Variants in MACROD2 observed in about 807,000 individuals in gnomAD.
The protein encoded by MACROD2 is ADP-ribose glycohydrolase MACROD2.
MACROD2 carries 36 observed loss-of-function variants against 70.4 expected under a neutral mutation model. That is an observed-to-expected ratio of 0.51 (90% CI 0.39 to 0.68). The LOEUF is 0.68. Among genes scored for constraint, MACROD2 ranks in the 30% least tolerant of loss-of-function variants. The pLI, the probability that MACROD2 is intolerant of heterozygous loss-of-function variation, is 0.00. For synonymous variants in MACROD2, 172 were observed against 178.8 expected, an observed-to-expected ratio of 0.96 and a Z score of 0.30; for missense variants, 496 against 538.4, an observed-to-expected ratio of 0.92 and a Z score of 0.78.
At chr20:15,978,372 TGAGAAAC>T (rs2066341513) in intron 13 of MACROD2, among the ~76,000 whole-genome samples, 1 of 152,180 alleles carries the variant, frequency 6.6e-6, no homozygotes, top group South Asian at 2.1e-4. Context: ...GGGGAGGTCA[TGAGAAAC>T]GTGGATAAAC....
At chr20:15,538,059 A>G (rs2047900728) in intron 8 of MACROD2, among the ~76,000 whole-genome samples, 6 of 152,206 alleles carry the variant, frequency 3.9e-5, no homozygotes, top group African/African-American at 1.4e-4. Flanking sequence ...TAGAAAAATA[A>G]CCCTTGTAAG....
At chr20:14,902,829 G>A (rs2073912587) in intron 5 of MACROD2, among the ~76,000 whole-genome samples, 1 of 152,010 alleles carries the variant, frequency 6.6e-6, no homozygotes, top group Non-Finnish European at 1.5e-5. Flanking sequence ...GAGGGAAACA[G>A]ATCACAATAC....
chr20:14,912,337 G>A (rs2074038122), intron 5 of MACROD2, among the ~76,000 whole-genome samples: 1 of 152,146 alleles, frequency 6.6e-6, no homozygotes, highest in African/African-American at 2.4e-5. Context: ...TGCTCTTATG[G>A]ATCATTAAAT....
At chr20:15,154,690 T>C (rs933652865) in intron 5 of MACROD2, among the ~76,000 whole-genome samples, 2 of 152,210 alleles carry the variant, frequency 1.3e-5, no homozygotes, top group African/African-American at 2.4e-5. Context: ...TAGGGCTCTC[T>C]GTTACTGGAG....
intron 5 of MACROD2, among the ~76,000 whole-genome samples, chr20:14,785,500 G>A (rs1337195801): frequency 6.6e-6 from 1 of 151,986 alleles, no homozygotes; most frequent in Non-Finnish European, 1.5e-5. Flanking sequence ...TGGGGGACTT[G>A]GAGTCAAGAC....
chr20:14,046,170 C>CT (rs2053471474), intron 2 of MACROD2, among the ~76,000 whole-genome samples: 2 of 152,138 alleles, frequency 1.3e-5, no homozygotes, highest in Admixed American at 1.3e-4. Context: ...ATACTGAAAA[C>CT]TAAGAGAACC....
chr20:15,931,680 G>T (rs746911683), intron 10 of MACROD2, among the ~76,000 whole-genome samples: 1 of 151,568 alleles, frequency 6.6e-6, no homozygotes, highest in Admixed American at 6.6e-5. Flanking sequence ...TGTGTCCACC[G>T]TCACAAACGG....
chr20:15,878,750 C>T (rs1200134315), intron 9 of MACROD2, among the ~76,000 whole-genome samples: 1 of 152,116 alleles, frequency 6.6e-6, no homozygotes, highest in African/African-American at 2.4e-5. Flanking sequence ...TTCACATTAA[C>T]TCTGTCTCCA....
At position 14,264,022 on chromosome 20, in the gene MACROD2, CACACA is replaced by C. The variant is rs2082123002; in HGVS notation, c.271+178301_271+178305del. Among the ~76,000 whole-genome samples the C allele has an allele frequency of 3.7e-5, 4 of 108,948 alleles. No individual in the cohort carries two copies. The South Asian group carries it at 1.2e-3, about 34-fold the overall frequency. 71.5% of individuals were successfully genotyped at this position (108,948 alleles called of 152,430 possible). A position where few individuals can be genotyped will look rare whatever the true frequency, so the allele number is the denominator to read the frequency against. On this transcript the variant is annotated intron_variant, in intron 3 of 17. Transcript: ENST00000684519. The stretch of plus-strand genomic sequence containing the variant: ...ACACACACACACACACACACACACA[CACACA>C]ACACAAGTGAAGGAAAAAGATGGTA...
At chr20:14,524,879 C>G (rs566604726) in intron 4 of MACROD2, among the ~76,000 whole-genome samples, 7 of 152,262 alleles carry the variant, frequency 4.6e-5, no homozygotes, top group Admixed American at 2.6e-4. Context: ...CTCATACTGT[C>G]TCTGTATTGC....
intron 8 of MACROD2, among the ~76,000 whole-genome samples, chr20:15,768,093 C>T (rs1285692326): frequency 3.3e-5 from 5 of 151,472 alleles, no homozygotes; most frequent in African/African-American, 1.2e-4. Context: ...ATGAAAGTTA[C>T]TGCAAAAAGA....
chr20:15,535,233 C>T (rs2047858374), intron 8 of MACROD2, among the ~76,000 whole-genome samples: 1 of 151,936 alleles, frequency 6.6e-6, no homozygotes. Flanking sequence ...ACCTCTGTCT[C>T]CCAAATTGCT....
chr20:14,256,222 T>C (rs1382787920), intron 3 of MACROD2, among the ~76,000 whole-genome samples: 1 of 152,144 alleles, frequency 6.6e-6, no homozygotes, highest in African/African-American at 2.4e-5. Flanking sequence ...TTTTCACTTA[T>C]ACTTTTTCTA....
At chr20:15,449,076 C>G (rs374754202) in intron 7 of MACROD2, among the ~76,000 whole-genome samples, 2 of 152,054 alleles carry the variant, frequency 1.3e-5, no homozygotes, top group East Asian at 1.9e-4. Flanking sequence ...TATTCCCATC[C>G]CCAAAATGGC....
intron 5 of MACROD2, among the ~76,000 whole-genome samples, chr20:15,179,253 C>T (rs759512899): frequency 2.0e-5 from 3 of 152,108 alleles, no homozygotes; most frequent in Non-Finnish European, 4.4e-5. Flanking sequence ...AAAATTTGTG[C>T]ACTTTACCTC....
intron 5 of MACROD2, among the ~76,000 whole-genome samples, chr20:14,842,302 C>T (rs1328571342): frequency 6.6e-6 from 1 of 152,074 alleles, no homozygotes; most frequent in Admixed American, 6.5e-5. Flanking sequence ...TCCCACCTCT[C>T]AAGATCACAA....
At chr20:14,172,381 T>A (rs1196275809) in intron 3 of MACROD2, among the ~76,000 whole-genome samples, 1 of 143,636 alleles carries the variant, frequency 7.0e-6, no homozygotes, top group Non-Finnish European at 1.5e-5. Context: ...CTCGGCTCAC[T>A]GCAACTTCCA....
intron 5 of MACROD2, among the ~76,000 whole-genome samples, chr20:15,028,155 G>C (rs2075247985): frequency 6.6e-6 from 1 of 152,218 alleles, no homozygotes; most frequent in African/African-American, 2.4e-5. Flanking sequence ...CTGGAGGGAA[G>C]ACCAGTGGAA....
intron 6 of MACROD2, among the ~76,000 whole-genome samples, chr20:15,418,706 C>T (rs1329853125): frequency 2.0e-5 from 3 of 152,126 alleles, no homozygotes; most frequent in Admixed American, 6.5e-5. Context: ...AAAAAACCTT[C>T]GGAGGCACTG....
Sources: gnomAD v4.1 joint callset for allele counts (sites outside exome capture counted in the v4.1 genomes callset) on GRCh38, gnomAD v4.1.1 for gene constraint, MANE v1.5 for transcripts, NCBI Gene and HGNC (gene_info 2026-07-23, HGNC 2026-07-21) for gene names.